NAXD: variants seen among roughly 807,000 people sequenced by gnomAD.
NAXD encodes the protein ATP-dependent (S)-NAD(P)H-hydrate dehydratase.
In NAXD, 22 loss-of-function variants were observed where a neutral mutation model predicts 35.8. That is an observed-to-expected ratio of 0.62 (90% CI 0.44 to 0.88). The LOEUF (loss-of-function observed/expected upper bound fraction) is 0.88, where lower values mean the gene tolerates loss of function less well. Among genes scored for constraint, NAXD ranks in the 40% least tolerant of loss-of-function variants. NAXD has a pLI of 0.00. For synonymous variants in NAXD, 189 were observed against 177.6 expected (o/e 1.06, Z -0.51); for missense variants, 428 against 437.7 (o/e 0.98, Z 0.20).
intron 8 of NAXD, among the ~76,000 whole-genome samples, chr13:110,636,846 G>T (rs192445385): frequency 1.3e-5 from 2 of 152,214 alleles, no homozygotes; most frequent in Non-Finnish European, 2.9e-5. Flanking sequence ...CGTCTGAGGC[G>T]GTTCCGAGCT....
intron 3 of NAXD, 70 bp downstream of exon 3, chr13:110,624,349 A>G: frequency 1.0e-6 from 1 of 960,212 alleles, no homozygotes; most frequent in South Asian, 1.4e-5. Context: ...ATATGATTAA[A>G]GCAAATGTTT....
intron 4 of NAXD, 53 bp downstream of exon 4, chr13:110,625,331 T>G (rs1886428603): frequency 4.7e-6 from 6 of 1,286,904 alleles, no homozygotes; most frequent in Non-Finnish European, 6.8e-6. Flanking sequence ...CCTGCATCAT[T>G]TGGGGTTTTG....
chr13:110,629,608 T>G lies in NAXD; in HGVS notation c.441+2061T>G, dbSNP rs1886630139. On this transcript the variant is annotated intron_variant, in intron 5 of 9. Coordinates refer to ENST00000680254, the MANE Select transcript of NAXD (RefSeq NM_001242882.2). ...GATTAGTTATGTCACTCTGCATAAT[T>G]TTATATTTAGAGTTACCTGTGTTGT... 2.0e-5 allele frequency among the ~76,000 whole-genome samples: 3 copies of G among 151,908 alleles called. No homozygotes were observed. The Admixed American group carries it at 2.0e-4, about 10-fold the overall frequency.
chr13:110,622,130 T>C lies in NAXD; in HGVS notation c.47-86T>C, dbSNP rs547154214. 1,010 of 1,077,224 alleles carry C rather than the reference T, an allele frequency of 9.4e-4. 2 individuals are homozygous for C. The highest frequency in any genetic ancestry group is 1.2e-3 in the Non-Finnish European group (961 of 771,376). The allele number at this position is 1,077,224 out of a possible 1,614,324, so 66.7% of individuals were successfully genotyped here. A position where few individuals can be genotyped will look rare whatever the true frequency, so the allele number is the denominator to read the frequency against. On this transcript the variant is annotated intron_variant, in intron 1 of 9. Coordinates refer to ENST00000680254, the MANE Select transcript of NAXD (RefSeq NM_001242882.2). ...AAATCTATAGCATTCGTAATAACTT[T>C]GGAGAGGGTTTTGGTTAATGGGCTA...
chr13:110,625,096 A>G, intron 3 of NAXD, 94 bp from the exon 4 acceptor site: 1 of 903,650 alleles, frequency 1.1e-6, no homozygotes, highest in Non-Finnish European at 1.8e-6. Context: ...GCACGTCACC[A>G]GGGCTGAGTA....
intron 1 of NAXD, among the ~76,000 whole-genome samples, chr13:110,620,773 G>A (rs1886236893): frequency 6.6e-6 from 1 of 152,214 alleles, no homozygotes; most frequent in Non-Finnish European, 1.5e-5. Flanking sequence ...GAAACGCTCA[G>A]TGAGCTTTGG....
chr13:110,639,064 GTGGTATCTGGCTGC>G lies in NAXD; in HGVS notation c.*541_*554del. On this transcript the variant is annotated 3_prime_UTR_variant, in exon 10 of 10. Transcript: ENST00000680254. ...TTCTTTTAAAGTGGTGACTAGCTTG[GTGGTATCTGGCTGC>G]TGGTGTTTGGCTTATTGACATACTC... 2 of 261,762 alleles carry G rather than the reference GTGGTATCTGGCTGC, an allele frequency of 7.6e-6. No homozygotes were observed. Among genetic ancestry groups the G allele is most frequent in the Non-Finnish European group, 1.5e-5 (2 of 131,442 alleles). 16.2% of individuals were successfully genotyped at this position (261,762 alleles called of 1,614,324 possible). A position where few individuals can be genotyped will look rare whatever the true frequency, so the allele number is the denominator to read the frequency against.
upstream of NAXD, chr13:110,615,474 G>C: frequency 2.4e-6 from 2 of 830,868 alleles, no homozygotes; most frequent in Non-Finnish European, 3.4e-6. Context: ...AGAACCGGGT[G>C]TGATTGAGCG....
intron 3 of NAXD, among the ~76,000 whole-genome samples, chr13:110,624,683 A>T: frequency 6.6e-6 from 1 of 152,232 alleles, no homozygotes; most frequent in East Asian, 1.9e-4. Flanking sequence ...GCTGGTCTCG[A>T]ACTCCTGACC....
At chr13:110,621,971 A>G (rs904871498) in intron 1 of NAXD, among the ~76,000 whole-genome samples, 9 of 152,044 alleles carry the variant, frequency 5.9e-5, no homozygotes, top group Admixed American at 2.0e-4. Flanking sequence ...CAGAGGTTGC[A>G]GTGAGCTGAG....
At position 110,638,422 on chromosome 13, in the gene NAXD, C is replaced by A; in HGVS notation, c.884C>A (p.Thr295Asn). Residue 295 changes from threonine to asparagine, a missense_variant, in exon 10 of 10, where the codon ACC becomes AAC. By Grantham distance (65) the Thr-to-Asn change is moderately conservative (BLOSUM62 0). Transcript: ENST00000680254. The surrounding 1 kb of genome is among the most constrained non-coding windows in gnomAD (Gnocchi z 5.4). ...LVAAFGACSL[T>N]RQCNHQAFQK... ...GCCGCGTTTGGCGCCTGCTCTCTCA[C>A]CAGGCAGTGCAACCACCAAGCCTTC... is the stretch of plus-strand genomic sequence containing the variant. The A allele has an allele frequency of 6.2e-7, 1 of 1,613,658 alleles. No individual in the cohort carries two copies. The highest frequency in any genetic ancestry group is 8.5e-7 in the Non-Finnish European group (1 of 1,180,018).
chr13:110,632,136 G>A (rs935018159), intron 5 of NAXD, among the ~76,000 whole-genome samples: 3 of 132,704 alleles, frequency 2.3e-5, no homozygotes, highest in Non-Finnish European at 4.9e-5. Context: ...AGATGTGTTC[G>A]GAGTTTCTTC....
rs1185418942 is a variant in NAXD at position 110,635,449 on chromosome 13, T to C, written c.598-19T>C. On this transcript the variant is annotated intron_variant, in intron 7 of 9. Transcript: ENST00000680254. The stretch of plus-strand genomic sequence containing the variant: ...TGAGGAAGACTTTGCTTTTTCTCTG[T>C]CTTCCTGTGTTGTCATAGCTCAGAG... 6.2e-7 allele frequency: 1 copy of C among 1,610,538 alleles called. No individual in the cohort carries two copies. The highest frequency in any genetic ancestry group is 2.2e-5 in the East Asian group (1 of 44,756).
At chr13:110,634,470 C>T (rs762755929) in intron 5 of NAXD, 75 bp from the exon 6 acceptor site, 12 of 1,463,158 alleles carry the variant, frequency 8.2e-6, no homozygotes, top group Non-Finnish European at 1.1e-5. Flanking sequence ...TAAGTTTCAC[C>T]ATGAGTTTTG....
At chr13:110,634,284 A>C (rs1428653017) in intron 5 of NAXD, among the ~76,000 whole-genome samples, 1 of 152,138 alleles carries the variant, frequency 6.6e-6, no homozygotes, top group Non-Finnish European at 1.5e-5. Context: ...ACAGGCGTTT[A>C]CTGGCTCACA....
chr13:110,622,171 A>G (rs1442711873), intron 1 of NAXD, 45 bp from the exon 2 acceptor site: 2 of 1,549,870 alleles, frequency 1.3e-6, no homozygotes, highest in East Asian at 2.3e-5. Flanking sequence ...TGTACTAACA[A>G]TATCTGTTTA....
intron 2 of NAXD, among the ~76,000 whole-genome samples, 199 bp downstream of exon 2, chr13:110,622,565 C>G (rs529035596): frequency 6.6e-6 from 1 of 152,182 alleles, no homozygotes; most frequent in African/African-American, 2.4e-5. Context: ...GAATTACTCC[C>G]TCATGTGTGT....
chr13:110,633,409 C>G (rs1233970700), intron 5 of NAXD, among the ~76,000 whole-genome samples: 1 of 152,230 alleles, frequency 6.6e-6, no homozygotes, highest in Non-Finnish European at 1.5e-5. Context: ...GCTCGCGCCT[C>G]TCCCTCCACA....
At position 110,615,612 on chromosome 13, in the gene NAXD, G is replaced by A; in HGVS notation, c.11G>A (p.Gly4Asp). Residue 4 changes from glycine (G) to aspartate (D), a missense_variant, in exon 1 of 10, where the codon GGT (glycine) becomes GAT (aspartate). This residue lies in a region of NAXD where 208 missense variants were observed against 193.0 expected (regional missense o/e 1.08). Coordinates refer to ENST00000680254, the MANE Select transcript of NAXD (RefSeq NM_001242882.2). Reference protein sequence around the residue: MALGPRCGAIRACR... With the variant: MALDPRCGAIRACR... ...CCGGAATGCTGCCCGATGGCCCTGG[G>A]TCCTCGCTGTGGGGCAATCCGGGCT... The A allele has an allele frequency of 6.9e-7, 1 of 1,454,680 alleles. No homozygotes were observed. The highest frequency in any genetic ancestry group is 9.0e-7 in the Non-Finnish European group (1 of 1,107,272). The allele number at this position is 1,454,680 out of a possible 1,614,324, so 90.1% of individuals were successfully genotyped here. A position where few individuals can be genotyped will look rare whatever the true frequency, so the allele number is the denominator to read the frequency against.
Sources: gnomAD v4.1 joint callset for allele counts (sites outside exome capture counted in the v4.1 genomes callset) on GRCh38, gnomAD v4.1.1 for gene constraint, gnomAD v4.1.1 regional missense constraint, Gnocchi (gnomAD v3.1) non-coding constraint, MANE v1.5 for transcripts, NCBI Gene and HGNC (gene_info 2026-07-23, HGNC 2026-07-21) for gene names.